The following SACS variants were observed in gnomAD, a reference collection of about 807,000 sequenced individuals.
SACS encodes the protein sacsin molecular chaperone.
In SACS, 197 loss-of-function variants were observed where a neutral mutation model predicts 348.0. The observed-to-expected ratio is 0.57, with a 90% confidence interval of 0.50 to 0.64. The LOEUF (loss-of-function observed/expected upper bound fraction) is 0.64, where lower values mean the gene tolerates loss of function less well. Ranked by LOEUF, SACS falls within the 30% of genes least tolerant of loss-of-function variation. The probability of loss-of-function intolerance (pLI) is 0.00; values close to 1 mark genes in which losing one functional copy is unlikely to be tolerated. For missense variants in SACS, 4,999 were observed against 5,360.8 expected (o/e 0.93, Z 2.11); for synonymous variants, 1,985 against 1,910.6 (o/e 1.04, Z -1.02).
rs1386979660 is a variant in SACS at position 23,331,952 on chromosome 13, C to G, written c.11924G>C (p.Ser3975Thr). 6.2e-7 allele frequency: 1 copy of G among 1,614,066 alleles called. No homozygotes were observed. The highest frequency in any genetic ancestry group is 8.5e-7 in the Non-Finnish European group (1 of 1,179,956). Residue 3975 changes from serine (S) to threonine (T), a missense_variant, in exon 10 of 10, where the codon AGC becomes ACC. Coordinates refer to ENST00000382292, the MANE Select transcript of SACS (RefSeq NM_014363.6). The part of the protein sequence containing the change: ...FPQKLRPRLL[S>T]SILEEQLDEE... ...ATCTAATTGTTCTTCAAGTATACTGCTCAATAATCGAGGTCTAAGTTTTTG... is the reference window on the plus strand; with the variant it reads ...ATCTAATTGTTCTTCAAGTATACTGGTCAATAATCGAGGTCTAAGTTTTTG...
intron 1 of SACS, chr13:23,419,069 A>G (rs1257117504): frequency 6.6e-6 from 1 of 152,470 alleles, no homozygotes; most frequent in Non-Finnish European, 1.5e-5. Context: ...AGAGAGTGCC[A>G]CAATCGACTG....
intron 2 of SACS, among the ~76,000 whole-genome samples, chr13:23,402,071 G>A (rs1028453163): frequency 7.2e-5 from 11 of 152,074 alleles, no homozygotes; most frequent in South Asian, 6.2e-4. Flanking sequence ...CCAGCTACTC[G>A]GGAGACTGAG....
chr13:23,374,588 T>G (rs962282497), intron 3 of SACS, among the ~76,000 whole-genome samples: 7 of 152,222 alleles, frequency 4.6e-5, no homozygotes, highest in Admixed American at 1.3e-4. Flanking sequence ...AATATTCTTG[T>G]TTTCCAAAAT....
At chr13:23,351,536 G>A (rs940462910) in intron 9 of SACS, among the ~76,000 whole-genome samples, 1 of 152,014 alleles carries the variant, frequency 6.6e-6, no homozygotes, top group Non-Finnish European at 1.5e-5. Context: ...TTTGCCTGCC[G>A]CCAAGTAAGA....
rs1883603870 is a variant in SACS at position 23,333,171 on chromosome 13, G to T, written c.10705C>A (p.Leu3569Ile). ...PNDFFKKLEQ[L>I]IKPKNHVTFM... ...GTAACATGATTTTTGGGTTTTATAA[G>T]TTGTTCCAATTTCTTAAAGAAATCA... Residue 3569 changes from leucine to isoleucine, a missense_variant, in exon 10 of 10, where the codon CTT (leucine) becomes ATT (isoleucine). By Grantham distance (5) the Leu-to-Ile change is conservative. Transcript: ENST00000382292. 1 of 1,607,136 alleles carries T rather than the reference G, an allele frequency of 6.2e-7. No individual in the cohort carries two copies. Among genetic ancestry groups the T allele is most frequent in the Admixed American group, 1.7e-5 (1 of 58,780 alleles).
At position 23,336,487 on chromosome 13, in the gene SACS, A is replaced by G; in HGVS notation, c.7389T>C (p.Ala2463=). The G allele has an allele frequency of 2.5e-6, 4 of 1,614,036 alleles. No individual in the cohort carries two copies. The highest frequency in any genetic ancestry group is 1.3e-5 in the African/African-American group (1 of 75,048). The part of the protein sequence containing the change: ...LPDTNLMLLP[A]KSLCYNDCPW... ...GGCAATCATTGTAGCATAACGATTT[A>G]GCAGGGAGAAGCATAAGATTAGTAT... The change falls in exon 10 of 10, where the codon GCT becomes GCC. Residue 2463 remains alanine, a synonymous_variant. Coordinates refer to ENST00000382292, the MANE Select transcript of SACS (RefSeq NM_014363.6).
At position 23,422,387 on chromosome 13, in the gene SACS, G is replaced by T. The variant is rs555990263; in HGVS notation, c.-501-10647C>A. 2.6e-5 allele frequency among the ~76,000 whole-genome samples: 4 copies of T among 152,244 alleles called. No homozygotes were observed. The East Asian group carries it at 5.8e-4, about 22-fold the overall frequency. On this transcript the variant is annotated intron_variant, in intron 1 of 9. Coordinates refer to ENST00000382292, the MANE Select transcript of SACS (RefSeq NM_014363.6). ...TATCGTTTTATACAACCTAAGGAAT[G>T]ACATTTCAGAGGCTGTTAGGCCCAC...
rs536939164 is a variant in SACS, at chr13:23,429,345, ATTTTTTTTTTTTTTTTTTT to A, written c.-502+4251_-502+4269del. Among the ~76,000 whole-genome samples the A allele has an allele frequency of 3.9e-3, 202 of 51,496 alleles. 3 individuals are homozygous for A. In the Middle Eastern group the frequency reaches 0.17, roughly 42 times the overall value. The allele number at this position is 51,496 out of a possible 152,430, so 33.8% of individuals were successfully genotyped here. A position where few individuals can be genotyped will look rare whatever the true frequency, so the allele number is the denominator to read the frequency against. On this transcript the variant is annotated intron_variant, in intron 1 of 9. Coordinates refer to ENST00000382292, the MANE Select transcript of SACS (RefSeq NM_014363.6). ...CTGTGATTCAGTCGTTGAGGTAGGG[ATTTTTTTTTTTTTTTTTTT>A]TTTTTTTTTTTTTTTTGAGACGGAG... is the stretch of plus-strand genomic sequence containing the variant.
At chr13:23,380,272 C>T (rs1210514383) in intron 2 of SACS, among the ~76,000 whole-genome samples, 1 of 152,060 alleles carries the variant, frequency 6.6e-6, no homozygotes, top group Non-Finnish European at 1.5e-5. Flanking sequence ...CCATTCTCAC[C>T]GGCCTTGGTA....
intron 2 of SACS, among the ~76,000 whole-genome samples, chr13:23,381,468 GC>G (rs1257010149): frequency 6.6e-6 from 1 of 151,722 alleles, no homozygotes; most frequent in Non-Finnish European, 1.5e-5. Flanking sequence ...ACTCCTACTA[GC>G]CTGCACAGGA....
intron 2 of SACS, among the ~76,000 whole-genome samples, chr13:23,385,697 C>A (rs1872263792): frequency 6.6e-6 from 1 of 152,146 alleles, no homozygotes; most frequent in African/African-American, 2.4e-5. Flanking sequence ...ATGGTGAATC[C>A]TTTCCAGGAA....
At chr13:23,422,895 A>G (rs1176694175) in intron 1 of SACS, among the ~76,000 whole-genome samples, 2 of 152,218 alleles carry the variant, frequency 1.3e-5, no homozygotes, top group Non-Finnish European at 2.9e-5. Context: ...ATATATGAAC[A>G]TATGAATATC....
Position 23,342,079 on chromosome 13 carries a change from G to A in SACS, c.2186-389C>T, listed in dbSNP as rs553394505. On this transcript the variant is annotated intron_variant, in intron 9 of 9. Coordinates refer to ENST00000382292, the MANE Select transcript of SACS (RefSeq NM_014363.6). ...TGGGATTACAGGCATGAGCCACCACGCCCGGCCAGTACTGGAAAATTTTCT... is the reference window on the plus strand; with the variant it reads ...TGGGATTACAGGCATGAGCCACCACACCCGGCCAGTACTGGAAAATTTTCT... 4.6e-5 allele frequency among the ~76,000 whole-genome samples: 7 copies of A among 152,078 alleles called. No homozygotes were observed. In the South Asian group the frequency reaches 1.5e-3, roughly 32 times the overall value.
At position 23,329,748 on chromosome 13, in the gene SACS, T is replaced by C. The variant is rs1883348093; in HGVS notation, c.*388A>G. 2 of 492,614 alleles carry C rather than the reference T, an allele frequency of 4.1e-6. No homozygotes were observed. The highest frequency in any genetic ancestry group is 2.9e-5 in the South Asian group (1 of 33,994). 30.5% of individuals were successfully genotyped at this position (492,614 alleles called of 1,614,324 possible). A position where few individuals can be genotyped will look rare whatever the true frequency, so the allele number is the denominator to read the frequency against. On this transcript the variant is annotated 3_prime_UTR_variant, in exon 10 of 10. Transcript: ENST00000382292. Reference sequence around the variant, plus strand: ...ATTCCCCTTATGTTTAAACCAATTATATGTCCAGTGTTTCATTAGCTCCTT... The same window carrying C: ...ATTCCCCTTATGTTTAAACCAATTACATGTCCAGTGTTTCATTAGCTCCTT...
intron 1 of SACS, among the ~76,000 whole-genome samples, chr13:23,429,072 T>TA (rs1157606332): frequency 1.3e-5 from 2 of 152,134 alleles, no homozygotes; most frequent in African/African-American, 4.8e-5. Flanking sequence ...TACATAAAAA[T>TA]AATATCACAT....
chr13:23,333,300 T>C lies in SACS; in HGVS notation c.10576A>G (p.Ile3526Val), dbSNP rs199881455. ...QLFEKLESLLIIHDANSRLKQ... is the reference protein window; with the variant it reads ...QLFEKLESLLVIHDANSRLKQ... The stretch of plus-strand genomic sequence containing the variant: ...AGTCTACTGTTAGCATCATGGATTA[T>C]CAATAAACTTTCCAGTTTTTCAAAA... Residue 3526 changes from isoleucine to valine, a missense_variant, in exon 10 of 10, where the codon ATA (isoleucine) becomes GTA (valine). Coordinates refer to ENST00000382292, the MANE Select transcript of SACS (RefSeq NM_014363.6). 1.2e-4 allele frequency: 199 copies of C among 1,605,060 alleles called. No individual in the cohort carries two copies. Among genetic ancestry groups the C allele is most frequent in the Non-Finnish European group, 1.5e-4 (180 of 1,177,246 alleles).
Position 23,334,586 on chromosome 13 carries a change from T to C in SACS, c.9290A>G (p.Asp3097Gly). The C allele has an allele frequency of 6.2e-7, 1 of 1,613,452 alleles. No individual in the cohort carries two copies. Among genetic ancestry groups the C allele is most frequent in the Non-Finnish European group, 8.5e-7 (1 of 1,179,746 alleles). ...DIPVSYVTPA[D>G]IRSFLMTFSS... is the part of the protein sequence containing the mutation. ...AAATGTCATTAAAAAAGATCTGATA[T>C]CAGCAGGGGTCACATAACTAACAGG... Residue 3097 changes from aspartate to glycine, a missense_variant, in exon 10 of 10, where the codon GAT becomes GGT. Around this residue, in one of 6 missense-constraint regions of SACS, gnomAD observed 734 missense variants for 694.0 expected, o/e 1.06. Coordinates refer to ENST00000382292, the MANE Select transcript of SACS (RefSeq NM_014363.6).
At chr13:23,382,809 G>A (rs1418441179) in intron 2 of SACS, among the ~76,000 whole-genome samples, 1 of 145,636 alleles carries the variant, frequency 6.9e-6, no homozygotes, top group African/African-American at 2.5e-5. Context: ...TTGAGATAGA[G>A]TCTAGCTCTG....
Position 23,332,211 on chromosome 13 carries a change from G to T in SACS, c.11665C>A (p.Gln3889Lys). 1 of 1,613,980 alleles carries T rather than the reference G, an allele frequency of 6.2e-7. No homozygotes were observed. Among genetic ancestry groups the T allele is most frequent in the Non-Finnish European group, 8.5e-7 (1 of 1,179,938 alleles). ...RVVSGLFRSL[Q>K]NDSVKVRSDL... ...CTCCTCACCTTGACTGAATCATTCTGTAGACTCCTGAACAGACCAGAAACT... is the reference window on the plus strand; with the variant it reads ...CTCCTCACCTTGACTGAATCATTCTTTAGACTCCTGAACAGACCAGAAACT... The change falls in exon 10 of 10, where the codon CAG becomes AAG. Residue 3889 changes from glutamine to lysine, a missense_variant. Around this residue, in one of 6 missense-constraint regions of SACS, gnomAD observed 831 missense variants for 941.8 expected, o/e 0.88. Transcript: ENST00000382292.
Sources: gnomAD v4.1 joint callset for allele counts (sites outside exome capture counted in the v4.1 genomes callset) on GRCh38, gnomAD v4.1.1 for gene constraint, gnomAD v4.1.1 regional missense constraint, MANE v1.5 for transcripts, NCBI Gene and HGNC (gene_info 2026-07-23, HGNC 2026-07-21) for gene names.